OXR1: variants seen among roughly 807,000 people sequenced by gnomAD.
OXR1 encodes oxidation resistance protein 1.
Under a neutral mutation model 104.6 loss-of-function variants are expected in OXR1, and 41 were observed. That is an observed-to-expected ratio of 0.39 (90% CI 0.31 to 0.51). The LOEUF (loss-of-function observed/expected upper bound fraction) is 0.51, where lower values mean the gene tolerates loss of function less well. Ranked by LOEUF, OXR1 falls within the 20% of genes least tolerant of loss-of-function variation. The pLI, the probability that OXR1 is intolerant of heterozygous loss-of-function variation, is 0.77. For synonymous variants in OXR1, 348 were observed against 348.4 expected (o/e 1.00, Z 0.01); for missense variants, 955 against 1,031.9 (o/e 0.93, Z 1.02).
intron 1 of OXR1, among the ~76,000 whole-genome samples, chr8:106,350,595 T>C (rs970939901): frequency 2.0e-5 from 3 of 152,206 alleles, no homozygotes; most frequent in African/African-American, 7.2e-5. Flanking sequence ...CACATAAAAC[T>C]GCATTAGTTT....
intron 5 of OXR1, among the ~76,000 whole-genome samples, chr8:106,684,041 C>A (rs1214790069): frequency 6.6e-6 from 1 of 152,062 alleles, no homozygotes; most frequent in Non-Finnish European, 1.5e-5. Flanking sequence ...TGTTTCCTCA[C>A]CCTATTCCAG....
chr8:106,355,604 A>G (rs1445414844), intron 1 of OXR1, among the ~76,000 whole-genome samples: 1 of 152,138 alleles, frequency 6.6e-6, no homozygotes, highest in African/African-American at 2.4e-5. Context: ...TAACAACAAA[A>G]TGAATGTTAG....
rs189656057 is a variant in OXR1 at position 106,661,754 on chromosome 8, A to C, written c.221-17456A>C. Among the ~76,000 whole-genome samples, 5 of 152,256 alleles carry C rather than the reference A, an allele frequency of 3.3e-5. No individual in the cohort carries two copies. The East Asian group carries it at 9.6e-4, about 29-fold the overall frequency. ...GCCCTTTTACATTTTCTTTTCATTT[A>C]TTTTTAGCAATTAAAACTATCTTTC... On this transcript the variant is annotated intron_variant, in intron 3 of 16. Transcript: ENST00000517566.
intron 2 of OXR1, among the ~76,000 whole-genome samples, chr8:106,422,743 A>G (rs1818957152): frequency 1.3e-5 from 2 of 152,130 alleles, no homozygotes; most frequent in South Asian, 4.1e-4. Flanking sequence ...TTGCAGATTC[A>G]AAAAAGAAGG....
chr8:106,687,713 CAA>C (rs59561453), intron 6 of OXR1, among the ~76,000 whole-genome samples: 6 of 126,960 alleles, frequency 4.7e-5, no homozygotes, highest in Non-Finnish European at 3.4e-5. Context: ...GACTCTGTCT[CAA>C]AAAAAAAAAA....
At chr8:106,725,068 G>C (rs1202260912) in intron 11 of OXR1, among the ~76,000 whole-genome samples, 1 of 152,120 alleles carries the variant, frequency 6.6e-6, no homozygotes, top group Non-Finnish European at 1.5e-5. Context: ...ATGTAGAAGA[G>C]AACTTTCCTG....
chr8:106,514,298 A>G lies in OXR1; in HGVS notation c.24-4645A>G, dbSNP rs189823676. Among the ~76,000 whole-genome samples the G allele has an allele frequency of 2.6e-4, 40 of 152,270 alleles. No individual in the cohort carries two copies. The East Asian group carries it at 7.5e-3, about 29-fold the overall frequency. On this transcript the variant is annotated intron_variant, in intron 2 of 16. Transcript: ENST00000517566. ...TTTAAAAAGACTTCCCCTTTCACGA[A>G]ATTTGGAAATTGAAGGTAGCATTTA... is the stretch of plus-strand genomic sequence containing the variant.
At chr8:106,460,104 A>G (rs1361042368) in intron 2 of OXR1, among the ~76,000 whole-genome samples, 1 of 152,192 alleles carries the variant, frequency 6.6e-6, no homozygotes, top group Non-Finnish European at 1.5e-5. Context: ...CAAGGCAGGG[A>G]TGGTCCTAGC....
chr8:106,341,740 AT>A (rs1191130542), intron 1 of OXR1, among the ~76,000 whole-genome samples: 1 of 151,766 alleles, frequency 6.6e-6, no homozygotes, highest in African/African-American at 2.4e-5. Flanking sequence ...ACTGTTTCCC[AT>A]TTTCCCATTT....
At chr8:106,719,165 T>C (rs757927222) in intron 11 of OXR1, among the ~76,000 whole-genome samples, 6 of 152,174 alleles carry the variant, frequency 3.9e-5, no homozygotes, top group Non-Finnish European at 8.8e-5. Context: ...GGCTTTGCAG[T>C]TCTGTGATAA....
intron 3 of OXR1, chr8:106,522,855 C>T (rs996722723): frequency 3.3e-5 from 5 of 152,060 alleles, no homozygotes; most frequent in East Asian, 1.9e-4. Context: ...AATACCACAA[C>T]GTTAGCAGTT....
intron 2 of OXR1, among the ~76,000 whole-genome samples, chr8:106,483,220 G>A (rs1354487748): frequency 2.6e-5 from 4 of 152,070 alleles, no homozygotes; most frequent in African/African-American, 7.2e-5. Flanking sequence ...ACAAAAGAAA[G>A]TGTCAGTCAG....
chr8:106,721,272 T>C (rs1172143451), intron 11 of OXR1, among the ~76,000 whole-genome samples: 1 of 152,002 alleles, frequency 6.6e-6, no homozygotes, highest in East Asian at 1.9e-4. Flanking sequence ...CATCTCTAAT[T>C]TTATACCACA....
rs542962347 is a variant in OXR1 at position 106,740,223 on chromosome 8, A to G, written c.2164-120A>G. On this transcript the variant is annotated intron_variant, in intron 13 of 16. Transcript: ENST00000517566. ...AGTATCTTTGAGAATAATAATTTCTACTGTTAATTTATTTTTATAGCCTAT... is the reference window on the plus strand; with the variant it reads ...AGTATCTTTGAGAATAATAATTTCTGCTGTTAATTTATTTTTATAGCCTAT... 9.7e-6 allele frequency: 6 copies of G among 621,524 alleles called. No homozygotes were observed. The South Asian group carries it at 1.4e-4, about 15-fold the overall frequency. 38.5% of individuals were successfully genotyped at this position (621,524 alleles called of 1,614,324 possible). A position where few individuals can be genotyped will look rare whatever the true frequency, so the allele number is the denominator to read the frequency against.
chr8:106,440,863 A>T (rs1819752772), intron 2 of OXR1, among the ~76,000 whole-genome samples: 1 of 152,094 alleles, frequency 6.6e-6, no homozygotes, highest in African/African-American at 2.4e-5. Context: ...GTGTTTTATC[A>T]CCAATGTGTA....
At chr8:106,303,248 C>CTTTTTTTTTTTTT (rs1164596413) in intron 1 of OXR1, among the ~76,000 whole-genome samples, 1 of 92,364 alleles carries the variant, frequency 1.1e-5, no homozygotes, top group African/African-American at 4.8e-5. Flanking sequence ...TTTTTTCTTT[C>CTTTTTTTTTTTTT]TTTTTTTTTT....
rs114402251 is a variant in OXR1 at position 106,352,498 on chromosome 8, G to A, written c.-138-6978G>A. Among the ~76,000 whole-genome samples, 22 of 152,202 alleles carry A rather than the reference G, an allele frequency of 1.4e-4. No individual in the cohort carries two copies. The South Asian group carries it at 2.3e-3, about 16-fold the overall frequency. ...AGGTATTTATCCACAAATATAAACC[G>A]ATATTATATCATGTGTATAAGGATA... On this transcript the variant is annotated intron_variant, in intron 1 of 16. Coordinates refer to ENST00000517566, the MANE Select transcript of OXR1 (RefSeq NM_001198533.2).
intron 3 of OXR1, among the ~76,000 whole-genome samples, chr8:106,582,445 G>A (rs1437910098): frequency 6.6e-6 from 1 of 151,654 alleles, no homozygotes; most frequent in African/African-American, 2.4e-5. Flanking sequence ...TGGTTAGCTG[G>A]CATGATGACT....
At chr8:106,322,357 T>G (rs926574154) in intron 1 of OXR1, among the ~76,000 whole-genome samples, 3 of 152,218 alleles carry the variant, frequency 2.0e-5, no homozygotes, top group African/African-American at 7.2e-5. Flanking sequence ...CCCCTTCATG[T>G]TAAATACTCC....
Sources: gnomAD v4.1 joint callset for allele counts (sites outside exome capture counted in the v4.1 genomes callset) on GRCh38, gnomAD v4.1.1 for gene constraint, MANE v1.5 for transcripts, NCBI Gene and HGNC (gene_info 2026-07-23, HGNC 2026-07-21) for gene names.